Variants in CUL5 observed in about 807,000 individuals in gnomAD.
CUL5 encodes the protein cullin-5.
A neutral mutation model predicts 108.8 loss-of-function variants in CUL5; 26 were observed. The observed-to-expected ratio is 0.24, with a 90% CI of 0.18 to 0.33. CUL5 has a LOEUF of 0.33. CUL5 is among the 10% of genes least tolerant of loss of function. The probability of loss-of-function intolerance (pLI) is 1.00; values close to 1 mark genes in which losing one functional copy is unlikely to be tolerated. For synonymous variants in CUL5, 334 were observed against 298.0 expected (o/e 1.12, Z -1.25); for missense variants, 524 against 909.2 (o/e 0.58, Z 5.45).
chr11:108,044,683 C>T (rs1402420739), intron 2 of CUL5, among the ~76,000 whole-genome samples: 1 of 150,982 alleles, frequency 6.6e-6, no homozygotes, highest in South Asian at 2.1e-4. Flanking sequence ...CCTGTCCTTT[C>T]GTTGTTTCTC....
chr11:108,092,042 T>G (rs867062875), intron 13 of CUL5, among the ~76,000 whole-genome samples: 3 of 152,044 alleles, frequency 2.0e-5, no homozygotes, highest in Non-Finnish European at 4.4e-5. Context: ...GAGGCTGAGA[T>G]GGGATGATTG....
intron 11 of CUL5, among the ~76,000 whole-genome samples, chr11:108,080,794 A>G (rs1179251355): frequency 1.3e-5 from 2 of 152,122 alleles, no homozygotes; most frequent in African/African-American, 2.4e-5. Flanking sequence ...ATGATGTGCT[A>G]ATATTTTCTC....
chr11:108,014,144 G>C (rs1197502971), intron 1 of CUL5, among the ~76,000 whole-genome samples: 2 of 152,214 alleles, frequency 1.3e-5, no homozygotes, highest in Admixed American at 6.5e-5. Flanking sequence ...GGGATGATCA[G>C]TGAAAATTTT....
chr11:108,048,943 G>A (rs1863139520), intron 3 of CUL5, among the ~76,000 whole-genome samples: 1 of 151,282 alleles, frequency 6.6e-6, no homozygotes, highest in Admixed American at 6.6e-5. Flanking sequence ...GGGATTACAG[G>A]CATGAGCCAC....
At chr11:108,017,389 CAAAAAAAAA>C (rs71840119) in intron 1 of CUL5, among the ~76,000 whole-genome samples, 2 of 102,952 alleles carry the variant, frequency 1.9e-5, no homozygotes, top group Non-Finnish European at 3.6e-5. Context: ...GACCCTGTCT[CAAAAAAAAA>C]AAAAAAAAAA....
intron 13 of CUL5, among the ~76,000 whole-genome samples, chr11:108,091,801 A>G (rs566963178): frequency 1.3e-5 from 2 of 152,148 alleles, no homozygotes; most frequent in South Asian, 2.1e-4. Context: ...CAGATGGCCA[A>G]TAAGTGCATG....
At chr11:108,013,233 CCT>C (rs1324092094) in intron 1 of CUL5, among the ~76,000 whole-genome samples, 1 of 152,172 alleles carries the variant, frequency 6.6e-6, no homozygotes, top group African/African-American at 2.4e-5. Context: ...ACTTCCCTCC[CCT>C]GTCCCCAATA....
chr11:108,099,911 T>A (rs1441941135), intron 18 of CUL5, among the ~76,000 whole-genome samples: 1 of 151,936 alleles, frequency 6.6e-6, no homozygotes, highest in Non-Finnish European at 1.5e-5. Context: ...AAAAAATTTT[T>A]TTTTTTTTTT....
intron 18 of CUL5, among the ~76,000 whole-genome samples, chr11:108,103,155 G>A (rs910436307): frequency 1.3e-5 from 2 of 152,128 alleles, no homozygotes; most frequent in African/African-American, 4.8e-5. Flanking sequence ...AAAGAGAAAA[G>A]AATATTTAAT....
intron 11 of CUL5, among the ~76,000 whole-genome samples, chr11:108,081,872 C>T (rs1047918267): frequency 4.6e-5 from 7 of 152,284 alleles, no homozygotes; most frequent in South Asian, 2.1e-4. Context: ...TGTAGCCTTG[C>T]GATAAGCTTT....
At chr11:108,095,092 A>G in intron 15 of CUL5, 105 bp downstream of exon 15, 1 of 952,312 alleles carries the variant, frequency 1.1e-6, no homozygotes, top group Non-Finnish European at 1.5e-6. Flanking sequence ...TCTCACATGT[A>G]AAAGTTTGAG....
chr11:108,064,200 C>T (rs1478394260), intron 7 of CUL5, among the ~76,000 whole-genome samples: 1 of 152,174 alleles, frequency 6.6e-6, no homozygotes, highest in African/African-American at 2.4e-5. Flanking sequence ...TATGTTCGTT[C>T]TATACCCAGT....
At chr11:108,042,217 T>TC (rs1240192045) in intron 2 of CUL5, among the ~76,000 whole-genome samples, 2 of 64,452 alleles carry the variant, frequency 3.1e-5, no homozygotes, top group Non-Finnish European at 6.1e-5. Flanking sequence ...CATCCACAAT[T>TC]CTTTTTTTTT....
chr11:108,100,203 A>T (rs1395286700), intron 18 of CUL5, among the ~76,000 whole-genome samples: 3 of 152,208 alleles, frequency 2.0e-5, no homozygotes, highest in Non-Finnish European at 2.9e-5. Context: ...AAAATATTTT[A>T]AAAATCTGTA....
chr11:108,052,613 A>G (rs1276221902), intron 4 of CUL5, 47 bp from the exon 5 acceptor site: 13 of 1,517,144 alleles, frequency 8.6e-6, no homozygotes, highest in Admixed American at 1.8e-5. Flanking sequence ...GATACTTTGT[A>G]TATTAATAAT....
At chr11:108,018,524 A>T (rs1227620755) in intron 1 of CUL5, among the ~76,000 whole-genome samples, 2 of 152,024 alleles carry the variant, frequency 1.3e-5, no homozygotes, top group African/African-American at 4.8e-5. Flanking sequence ...AAAATACAAA[A>T]ATTAGCTGAG....
intron 1 of CUL5, among the ~76,000 whole-genome samples, 168 bp downstream of exon 1, chr11:108,009,540 C>T (rs1464717528): frequency 6.6e-6 from 1 of 151,980 alleles, no homozygotes; most frequent in Non-Finnish European, 1.5e-5. Flanking sequence ...GGTCTGTGGC[C>T]TTGGGGTCGA....
chr11:108,106,656 C>A lies in CUL5; in HGVS notation c.*2272C>A, dbSNP rs1591342685. ...GTTAAATTTTCTTTAAGTAATTTAA[C>A]AACAGATTTGCTAATTTAAAAAAAA... is the stretch of plus-strand genomic sequence containing the variant. On this transcript the variant is annotated 3_prime_UTR_variant, in exon 19 of 19. Coordinates refer to ENST00000393094, the MANE Select transcript of CUL5 (RefSeq NM_003478.6). The A allele has an allele frequency of 7.0e-6, 1 of 141,990 alleles. No homozygotes were observed. Among genetic ancestry groups the A allele is most frequent in the Admixed American group, 7.3e-5 (1 of 13,666 alleles). The allele number at this position is 141,990 out of a possible 1,614,324, so 8.8% of individuals were successfully genotyped here.
At chr11:108,077,628 T>C (rs1863972763) in intron 10 of CUL5, among the ~76,000 whole-genome samples, 2 of 83,424 alleles carry the variant, frequency 2.4e-5, no homozygotes, top group Admixed American at 1.6e-4. Context: ...AAACTCTGTC[T>C]CCAAAAAAAA....
Sources: gnomAD v4.1 joint callset for allele counts (sites outside exome capture counted in the v4.1 genomes callset) on GRCh38, gnomAD v4.1.1 for gene constraint, MANE v1.5 for transcripts, NCBI Gene and HGNC (gene_info 2026-07-23, HGNC 2026-07-21) for gene names.